Variants in PRICKLE1 observed in about 807,000 individuals in gnomAD.
PRICKLE1 encodes prickle planar cell polarity protein 1.
In PRICKLE1, 14 loss-of-function variants were observed where a neutral mutation model predicts 70.2. The observed-to-expected ratio is 0.20, with a 90% CI of 0.13 to 0.31. The LOEUF is 0.31. Ranked by LOEUF, PRICKLE1 falls within the 10% of genes least tolerant of loss-of-function variation. The probability of loss-of-function intolerance (pLI) is 1.00; values close to 1 mark genes in which losing one functional copy is unlikely to be tolerated. For synonymous variants in PRICKLE1, 357 were observed against 379.9 expected, an observed-to-expected ratio of 0.94 and a Z score of 0.70; for missense variants, 821 against 1,026.2, an observed-to-expected ratio of 0.80 and a Z score of 2.73.
rs138459169 is a variant in PRICKLE1, at chr12:42,497,272, G to A, written c.-48-24708C>T. On this transcript the variant is annotated intron_variant, in intron 1 of 7. Coordinates refer to ENST00000345127, the MANE Select transcript of PRICKLE1 (RefSeq NM_153026.3). The stretch of plus-strand genomic sequence containing the variant: ...ACAAAACATTTATCGATGGCCGGGC[G>A]TGGTGGCTCACGCCTGTAATTCCAG... 8.4e-3 allele frequency among the ~76,000 whole-genome samples: 1,286 copies of A among 152,262 alleles called. 23 individuals carry two copies. The highest frequency in any genetic ancestry group is 0.03 in the African/African-American group (1,232 of 41,556).
intron 7 of PRICKLE1, among the ~76,000 whole-genome samples, chr12:42,463,094 G>T (rs1351229311): frequency 2.0e-5 from 3 of 152,120 alleles, no homozygotes; most frequent in Non-Finnish European, 4.4e-5. Flanking sequence ...GCCAAGGCAG[G>T]TGGATCACCT....
At chr12:42,522,579 C>T (rs1455513035) in intron 1 of PRICKLE1, among the ~76,000 whole-genome samples, 1 of 152,160 alleles carries the variant, frequency 6.6e-6, no homozygotes, top group Non-Finnish European at 1.5e-5. Flanking sequence ...TTTTAAAATA[C>T]TCTAAAAATT....
intron 1 of PRICKLE1, among the ~76,000 whole-genome samples, chr12:42,493,513 C>A (rs960479344): frequency 6.6e-6 from 1 of 152,146 alleles, no homozygotes. Flanking sequence ...GCCTGAATTT[C>A]TAAATCATAT....
intron 1 of PRICKLE1, among the ~76,000 whole-genome samples, chr12:42,492,347 T>C (rs1939122114): frequency 6.6e-6 from 1 of 152,226 alleles, no homozygotes; most frequent in Non-Finnish European, 1.5e-5. Context: ...AGGTATTTTC[T>C]TTTTATATTT....
chr12:42,509,417 A>G (rs1939473356), intron 1 of PRICKLE1, among the ~76,000 whole-genome samples: 4 of 152,214 alleles, frequency 2.6e-5, no homozygotes. Flanking sequence ...CTCCAGAATT[A>G]AGTTCCAAGG....
intron 1 of PRICKLE1, among the ~76,000 whole-genome samples, chr12:42,546,853 T>C (rs1940223463): frequency 1.3e-5 from 2 of 152,250 alleles, no homozygotes; most frequent in African/African-American, 2.4e-5. Context: ...TTATGCAGTT[T>C]TGTGGCTTTT....
chr12:42,511,832 G>C (rs1939518790), intron 1 of PRICKLE1, among the ~76,000 whole-genome samples: 1 of 152,200 alleles, frequency 6.6e-6, no homozygotes, highest in Non-Finnish European at 1.5e-5. Context: ...CTCAAAGCTA[G>C]ATATTGTGCT....
Position 42,472,263 on chromosome 12 carries a change from A to G in PRICKLE1, c.132+122T>C, listed in dbSNP as rs2305422. ...CTTCAAAGCCATACAAAGAAGAATA[A>G]GGACTGAGGAGGGTGGTATTCCAGC... On this transcript the variant is annotated intron_variant, in intron 2 of 7. Coordinates refer to ENST00000345127, the MANE Select transcript of PRICKLE1 (RefSeq NM_153026.3). 166,964 of 1,093,786 alleles carry G rather than the reference A, an allele frequency of 0.15. 13,373 individuals carry two copies. The highest frequency in any genetic ancestry group is 0.22 in the Admixed American group (11,041 of 49,920). 67.8% of individuals were successfully genotyped at this position (1,093,786 alleles called of 1,614,324 possible).
At chr12:42,544,632 T>C (rs1160008517) in intron 1 of PRICKLE1, among the ~76,000 whole-genome samples, 1 of 152,222 alleles carries the variant, frequency 6.6e-6, no homozygotes, top group African/African-American at 2.4e-5. Flanking sequence ...CCAAAAACTC[T>C]AAAGATAATG....
intron 1 of PRICKLE1, 91 bp from the exon 2 acceptor site, chr12:42,472,655 C>T (rs1205069303): frequency 3.7e-6 from 4 of 1,082,178 alleles, no homozygotes; most frequent in East Asian, 2.5e-5. Flanking sequence ...ATGCTGTTAA[C>T]AGACAGCTGG....
Position 42,582,560 on chromosome 12 carries a change from G to T in PRICKLE1, c.-49+6905C>A, listed in dbSNP as rs80109043. On this transcript the variant is annotated intron_variant, in intron 1 of 7. Transcript: ENST00000345127. Reference sequence around the variant, plus strand: ...TCATAGTCACAGAAGAATGTAAAATGTAATCTCTTTTTGACATACATTATA... The same window carrying T: ...TCATAGTCACAGAAGAATGTAAAATTTAATCTCTTTTTGACATACATTATA... Among the ~76,000 whole-genome samples, 9 of 152,354 alleles carry T rather than the reference G, an allele frequency of 5.9e-5. No individual in the cohort carries two copies. The East Asian group carries it at 1.7e-3, about 29-fold the overall frequency.
At chr12:42,485,769 C>T (rs1938977449) in intron 1 of PRICKLE1, among the ~76,000 whole-genome samples, 1 of 152,194 alleles carries the variant, frequency 6.6e-6, no homozygotes, top group African/African-American at 2.4e-5. Context: ...CAAACTATAG[C>T]AGCACTTATC....
chr12:42,546,802 T>A (rs956630217), intron 1 of PRICKLE1, among the ~76,000 whole-genome samples: 10 of 152,302 alleles, frequency 6.6e-5, no homozygotes, highest in Non-Finnish European at 1.5e-4. Flanking sequence ...ACTTGATAAT[T>A]TCTTAAGCTG....
At chr12:42,506,243 TCTTTTTTCTTTCTTTC>T (rs1566105887) in intron 1 of PRICKLE1, among the ~76,000 whole-genome samples, 3 of 134,204 alleles carry the variant, frequency 2.2e-5, no homozygotes, top group Admixed American at 1.8e-4. Flanking sequence ...TAAAAAATGT[TCTTTTTTCTTTCTTTC>T]TTTTTTTTTT....
rs1181811836 is a variant in PRICKLE1, at chr12:42,536,698, C to T, written c.-49+52767G>A. On this transcript the variant is annotated intron_variant, in intron 1 of 7. Coordinates refer to ENST00000345127, the MANE Select transcript of PRICKLE1 (RefSeq NM_153026.3). Reference sequence around the variant, plus strand: ...TTTCTGAGTTCCTGAACTCTGCTCACCTGGGCAAGATGCTGCCACTTTCTT... The same window carrying T: ...TTTCTGAGTTCCTGAACTCTGCTCATCTGGGCAAGATGCTGCCACTTTCTT... 3.3e-5 allele frequency among the ~76,000 whole-genome samples: 5 copies of T among 152,154 alleles called. No individual in the cohort carries two copies. In the East Asian group the frequency reaches 7.7e-4, roughly 23 times the overall value.
At chr12:42,460,789 C>T in intron 7 of PRICKLE1, 124 bp from the exon 8 acceptor site, 4 of 1,176,866 alleles carry the variant, frequency 3.4e-6, no homozygotes, top group South Asian at 1.3e-5. Context: ...TGATTAAAAC[C>T]CATAGGGAAA....
chr12:42,506,912 AAAACCTTTGAATATTATGGTTTC>A (rs1402191282), intron 1 of PRICKLE1, among the ~76,000 whole-genome samples: 1 of 152,124 alleles, frequency 6.6e-6, no homozygotes, highest in Non-Finnish European at 1.5e-5. Flanking sequence ...TTTGAGCCAC[AAAACCTTTGAATATTATGGTTTC>A]TCTAAAATGT....
chr12:42,513,160 C>T (rs1232633900), intron 1 of PRICKLE1, among the ~76,000 whole-genome samples: 1 of 152,194 alleles, frequency 6.6e-6, no homozygotes, highest in Non-Finnish European at 1.5e-5. Context: ...GGGGGTTTCA[C>T]CATGTTGGTC....
At chr12:42,537,398 CA>C (rs1940033259) in intron 1 of PRICKLE1, among the ~76,000 whole-genome samples, 1 of 152,084 alleles carries the variant, frequency 6.6e-6, no homozygotes, top group South Asian at 2.1e-4. Flanking sequence ...CTCCTGGGCT[CA>C]AGCGACCATC....
Sources: allele counts gnomAD v4.1 joint callset (sites outside exome capture counted in the v4.1 genomes callset), GRCh38; gene constraint gnomAD v4.1.1; transcripts MANE v1.5; gene names NCBI Gene and HGNC (gene_info 2026-07-23, HGNC 2026-07-21).